The following PDE7B variants were observed in gnomAD, a reference collection of about 807,000 sequenced individuals.
PDE7B encodes phosphodiesterase 7B, also known as 3',5'-cyclic-AMP phosphodiesterase 7B.
In PDE7B, 29 loss-of-function variants were observed where a neutral mutation model predicts 56.2. That is an observed-to-expected ratio of 0.52 (90% CI 0.38 to 0.70). The LOEUF is 0.70. Ranked by LOEUF, PDE7B falls within the 30% of genes least tolerant of loss-of-function variation. PDE7B has a pLI of 0.00. For missense variants in PDE7B, 490 were observed against 565.0 expected, an observed-to-expected ratio of 0.87 and a Z score of 1.35; for synonymous variants, 197 against 196.9, an observed-to-expected ratio of 1.00 and a Z score of 0.00.
intron 3 of PDE7B, among the ~76,000 whole-genome samples, chr6:136,123,498 A>G (rs1777972771): frequency 1.3e-5 from 2 of 152,238 alleles, no homozygotes; most frequent in South Asian, 2.1e-4. Flanking sequence ...AGATTATAAC[A>G]TCTCAGAAGG....
At chr6:136,031,482 G>A (rs1243704881) in intron 2 of PDE7B, among the ~76,000 whole-genome samples, 4 of 152,174 alleles carry the variant, frequency 2.6e-5, no homozygotes, top group African/African-American at 7.2e-5. Flanking sequence ...GCTCACGCCT[G>A]TAATCCCAGC....
At chr6:136,107,485 A>G (rs372487735) in intron 2 of PDE7B, among the ~76,000 whole-genome samples, 153 of 152,364 alleles carry the variant, frequency 1.0e-3, no homozygotes, top group South Asian at 7.9e-3. Flanking sequence ...ACCAGACAGC[A>G]TTCAAAGTGC....
intron 2 of PDE7B, among the ~76,000 whole-genome samples, chr6:135,971,780 A>AG (rs1422773713): frequency 6.6e-6 from 1 of 152,172 alleles, no homozygotes. Context: ...CCTATCCACC[A>AG]GGCTGCTGTG....
chr6:135,896,581 C>G (rs1775906282), intron 1 of PDE7B, among the ~76,000 whole-genome samples: 1 of 152,100 alleles, frequency 6.6e-6, no homozygotes, highest in African/African-American at 2.4e-5. Flanking sequence ...TTGCTGTGAT[C>G]CTTGCAACTT....
chr6:135,978,114 T>TA (rs1775224702), intron 2 of PDE7B, among the ~76,000 whole-genome samples: 1 of 152,138 alleles, frequency 6.6e-6, no homozygotes, highest in Non-Finnish European at 1.5e-5. Context: ...AGAGCACACT[T>TA]ACACAAACCT....
At chr6:135,924,030 A>C (rs1057251491) in intron 1 of PDE7B, among the ~76,000 whole-genome samples, 12 of 152,212 alleles carry the variant, frequency 7.9e-5, no homozygotes, top group Admixed American at 7.9e-4. Context: ...CAAGTTGACA[A>C]ATTTTTTTAA....
chr6:136,070,161 A>C (rs1256171339), intron 2 of PDE7B: 3 of 151,112 alleles, frequency 2.0e-5, no homozygotes, highest in Non-Finnish European at 4.4e-5. Flanking sequence ...AAAAAAAAAC[A>C]GAAGATTTAA....
At chr6:136,120,400 A>G (rs539096386) in intron 3 of PDE7B, among the ~76,000 whole-genome samples, 3 of 152,180 alleles carry the variant, frequency 2.0e-5, no homozygotes, top group Non-Finnish European at 4.4e-5. Context: ...AAGACATTGA[A>G]GCAAGCTGAA....
chr6:136,137,739 A>C (rs913540444), intron 3 of PDE7B, among the ~76,000 whole-genome samples: 4 of 152,140 alleles, frequency 2.6e-5, no homozygotes, highest in African/African-American at 9.7e-5. Context: ...GAAGGTACTC[A>C]AAAATGAAAA....
chr6:136,105,857 G>A (rs543249915), intron 2 of PDE7B, among the ~76,000 whole-genome samples: 7 of 152,090 alleles, frequency 4.6e-5, no homozygotes, highest in Non-Finnish European at 7.3e-5. Flanking sequence ...ATGGGCCTCC[G>A]CTGCCCTAGA....
chr6:136,027,093 C>G (rs1361536941), intron 2 of PDE7B, among the ~76,000 whole-genome samples: 3 of 152,206 alleles, frequency 2.0e-5, no homozygotes, highest in African/African-American at 7.2e-5. Context: ...CACCTGGTAG[C>G]TAGGAAGAGG....
chr6:136,078,059 C>T (rs1265625624), intron 2 of PDE7B, among the ~76,000 whole-genome samples: 2 of 152,090 alleles, frequency 1.3e-5, no homozygotes, highest in African/African-American at 2.4e-5. Flanking sequence ...GCTGAGTGTG[C>T]CAGGATGCCA....
chr6:135,984,847 G>A (rs191843202), intron 2 of PDE7B, among the ~76,000 whole-genome samples: 1,623 of 152,074 alleles, frequency 0.011, 28 homozygotes, highest in African/African-American at 0.036. Flanking sequence ...GTCTGCACAC[G>A]GGAAGAGCTC....
chr6:135,999,805 TA>T (rs2128205999), intron 2 of PDE7B, among the ~76,000 whole-genome samples: 1 of 152,330 alleles, frequency 6.6e-6, no homozygotes, highest in South Asian at 2.1e-4. Flanking sequence ...GGCCGAATAG[TA>T]GTTCTGATTT....
intron 2 of PDE7B, among the ~76,000 whole-genome samples, chr6:135,965,089 T>A (rs1774970586): frequency 1.3e-5 from 2 of 152,182 alleles, no homozygotes; most frequent in Admixed American, 1.3e-4. Flanking sequence ...TGCAGTGAGC[T>A]GATATTTTGC....
At chr6:135,919,822 A>T (rs1287474518) in intron 1 of PDE7B, among the ~76,000 whole-genome samples, 1 of 152,236 alleles carries the variant, frequency 6.6e-6, no homozygotes, top group African/African-American at 2.4e-5. Context: ...AGGAGTTAAT[A>T]CAGGACAGAA....
intron 1 of PDE7B, among the ~76,000 whole-genome samples, chr6:135,886,826 A>T (rs775548235): frequency 1.3e-5 from 2 of 152,178 alleles, no homozygotes; most frequent in Non-Finnish European, 2.9e-5. Flanking sequence ...TGCTGTAAAC[A>T]TGCTCGTGCA....
intron 2 of PDE7B, among the ~76,000 whole-genome samples, chr6:136,043,007 T>C (rs1449394497): frequency 6.6e-6 from 1 of 152,172 alleles, no homozygotes; most frequent in Admixed American, 6.5e-5. Context: ...CTGGTAAAAT[T>C]CAAAAACACT....
intron 2 of PDE7B, among the ~76,000 whole-genome samples, chr6:136,091,345 T>C (rs770968494): frequency 3.3e-5 from 5 of 152,064 alleles, no homozygotes; most frequent in Non-Finnish European, 7.4e-5. Context: ...GTTTCAAATA[T>C]AATGAAAAAA....
Sources: allele counts gnomAD v4.1 joint callset (sites outside exome capture counted in the v4.1 genomes callset), GRCh38; gene constraint gnomAD v4.1.1; transcripts MANE v1.5; gene names NCBI Gene and HGNC (gene_info 2026-07-23, HGNC 2026-07-21).